The following PABPC1 variants were observed in gnomAD, a reference collection of about 807,000 sequenced individuals.
The protein encoded by PABPC1 is poly(A) binding protein cytoplasmic 1.
In PABPC1, 4 loss-of-function variants were observed where a neutral mutation model predicts 74.0. The observed-to-expected ratio is 0.05, with a 90% CI of 0.03 to 0.12. PABPC1 has a LOEUF of 0.12. Among genes scored for constraint, PABPC1 ranks in the 10% least tolerant of loss-of-function variants. PABPC1 has a pLI of 1.00. For missense variants in PABPC1, 271 were observed against 821.1 expected, an observed-to-expected ratio of 0.33 and a Z score of 8.19; for synonymous variants, 227 against 264.1, an observed-to-expected ratio of 0.86 and a Z score of 1.36.
chr8:100,704,777 G>GCT, intron 13 of PABPC1, 149 bp downstream of exon 13: 1 of 787,820 alleles, frequency 1.3e-6, no homozygotes, highest in Non-Finnish European at 2.0e-6. Context: ...ATAAAATGGG[G>GCT]ATAAATAGCG....
At chr8:100,709,335 T>C in intron 8 of PABPC1, 112 bp from the exon 9 acceptor site, 1 of 1,464,056 alleles carries the variant, frequency 6.8e-7, no homozygotes, top group Non-Finnish European at 9.5e-7. Context: ...TCAAGCATTT[T>C]TTCCTACTCA....
At chr8:100,707,321 A>G (rs1810406562) in intron 9 of PABPC1, 3 of 277,368 alleles carry the variant, frequency 1.1e-5, no homozygotes, top group South Asian at 1.0e-4. Flanking sequence ...GGCACGGGGG[A>G]CCACTACCAC....
In PABPC1 at chr8:100,709,119, G is replaced by A. The variant is rs1810462247; in HGVS notation, c.1336+14C>T. On this transcript the variant is annotated intron_variant, in intron 9 of 14. Transcript: ENST00000318607. ...ACTCAATCCCCAACCTTAATTAAAA[G>A]AAAAAAGACTTACGATGAGGTCTGG... The A allele has an allele frequency of 1.3e-6, 2 of 1,580,720 alleles. No homozygotes were observed. Among genetic ancestry groups the A allele is most frequent in the East Asian group, 4.5e-5 (2 of 44,388 alleles).
chr8:100,708,880 A>C (rs532330590), intron 9 of PABPC1, among the ~76,000 whole-genome samples: 2 of 145,386 alleles, frequency 1.4e-5, no homozygotes, highest in South Asian at 4.3e-4. Flanking sequence ...CTCTGTCTCG[A>C]AAATAAATAA....
At chr8:100,707,503 G>A (rs1810412307) in intron 9 of PABPC1, among the ~76,000 whole-genome samples, 1 of 152,228 alleles carries the variant, frequency 6.6e-6, no homozygotes, top group Non-Finnish European at 1.5e-5. Flanking sequence ...AGCCGAGGCA[G>A]AGAGGGAGAG....
At chr8:100,709,108 C>A (rs1810461997) in intron 9 of PABPC1, 25 bp downstream of exon 9, 7 of 1,570,084 alleles carry the variant, frequency 4.5e-6, no homozygotes, top group Non-Finnish European at 6.1e-6. Flanking sequence ...AATCCCCAAC[C>A]TTAATTAAAA....
At chr8:100,705,825 T>C (rs1316507745) in intron 11 of PABPC1, 152 bp from the exon 12 acceptor site, 2 of 643,706 alleles carry the variant, frequency 3.1e-6, no homozygotes, top group Non-Finnish European at 5.7e-6. Flanking sequence ...GCCAAAGTAG[T>C]TATTATATAC....
chr8:100,708,880 A>AAAATAAATAAAT (rs60749457), intron 9 of PABPC1, among the ~76,000 whole-genome samples: 8 of 145,386 alleles, frequency 5.5e-5, no homozygotes, highest in Admixed American at 1.4e-4. Context: ...CTCTGTCTCG[A>AAAATAAATAAAT]AAATAAATAA....
At chr8:100,707,338 G>A (rs1245784955) in intron 9 of PABPC1, 8 of 277,950 alleles carry the variant, frequency 2.9e-5, no homozygotes, top group Admixed American at 5.1e-5. Context: ...CCACCAAGAC[G>A]CGGAGACCAG....
At chr8:100,720,128 A>T (rs1810777137) in intron 1 of PABPC1, among the ~76,000 whole-genome samples, 1 of 152,196 alleles carries the variant, frequency 6.6e-6, no homozygotes, top group Non-Finnish European at 1.5e-5. Flanking sequence ...TATTTCGATT[A>T]TTTGACATGT....
chr8:100,709,863 T>C (rs763591384), intron 7 of PABPC1, 132 bp from the exon 8 acceptor site: 28 of 1,086,850 alleles, frequency 2.6e-5, no homozygotes, highest in Non-Finnish European at 3.5e-5. Flanking sequence ...CATCTTGTAT[T>C]TACCCATTGA....
At chr8:100,704,218 A>C (rs1271401391) in intron 14 of PABPC1, 79 bp downstream of exon 14, 1 of 1,102,522 alleles carries the variant, frequency 9.1e-7, no homozygotes, top group African/African-American at 1.5e-5. Flanking sequence ...TGCTATGTAC[A>C]TTTCAAAATA....
intron 1 of PABPC1, among the ~76,000 whole-genome samples, 184 bp from the exon 2 acceptor site, chr8:100,718,464 TA>T (rs780003228): frequency 6.6e-6 from 1 of 152,238 alleles, no homozygotes; most frequent in Non-Finnish European, 1.5e-5. Flanking sequence ...CTAAGTTGTA[TA>T]AAGCAAAGAC....
At chr8:100,710,075 C>A (rs911544235) in intron 7 of PABPC1, among the ~76,000 whole-genome samples, 1 of 152,170 alleles carries the variant, frequency 6.6e-6, no homozygotes, top group Non-Finnish European at 1.5e-5. Context: ...GACTTTTGGG[C>A]ACCACTGGAA....
chr8:100,712,112 C>G (rs1488344824), intron 7 of PABPC1, among the ~76,000 whole-genome samples: 3 of 152,194 alleles, frequency 2.0e-5, no homozygotes, highest in Non-Finnish European at 4.4e-5. Flanking sequence ...CTTGCTTTAG[C>G]AAAATGACTA....
chr8:100,714,048 T>A (rs1810599626), intron 4 of PABPC1, among the ~76,000 whole-genome samples: 1 of 152,202 alleles, frequency 6.6e-6, no homozygotes, highest in Admixed American at 6.5e-5. Flanking sequence ...GCGGGTGGTA[T>A]CTCAGGCAAG....
chr8:100,705,940 C>T (rs1462600823), intron 11 of PABPC1, among the ~76,000 whole-genome samples: 5 of 152,212 alleles, frequency 3.3e-5, no homozygotes, highest in East Asian at 1.9e-4. Flanking sequence ...CCTCCGCCTC[C>T]GGATTCAAGC....
Position 100,707,429 on chromosome 8 carries a change from C to T in PABPC1, c.1337-432G>A, listed in dbSNP as rs967002396. Among the ~76,000 whole-genome samples, 4 of 152,074 alleles carry T rather than the reference C, an allele frequency of 2.6e-5. No homozygotes were observed. In the East Asian group the frequency reaches 7.7e-4, roughly 29 times the overall value. Reference sequence around the variant, plus strand: ...GCAGGGTAAAGAGTGTGAGTCATCTCCAATGATAGGTAAGGTCACGTGGGT... The same window carrying T: ...GCAGGGTAAAGAGTGTGAGTCATCTTCAATGATAGGTAAGGTCACGTGGGT... On this transcript the variant is annotated intron_variant, in intron 9 of 14. Transcript: ENST00000318607.
rs1282390285 is a variant in PABPC1 at position 100,721,974 on chromosome 8, G to T, written c.-391C>A. ...ACGCGGATTTTTTGTAAATTTTTTTGGGGTTTTTTAAAAGATTTTTTTAGA... is the reference window on the plus strand; with the variant it reads ...ACGCGGATTTTTTGTAAATTTTTTTTGGGTTTTTTAAAAGATTTTTTTAGA... On this transcript the variant is annotated 5_prime_UTR_variant, in exon 1 of 15. Transcript: ENST00000318607. The surrounding 1 kb of genome is among the most constrained non-coding windows in gnomAD (Gnocchi z 7.4). The T allele has an allele frequency of 1.1e-5, 2 of 176,688 alleles. No individual in the cohort carries two copies. Among genetic ancestry groups the T allele is most frequent in the Admixed American group, 6.3e-5 (1 of 15,984 alleles). 10.9% of individuals were successfully genotyped at this position (176,688 alleles called of 1,614,324 possible).
Sources: gnomAD v4.1 joint callset for allele counts (sites outside exome capture counted in the v4.1 genomes callset) on GRCh38, gnomAD v4.1.1 for gene constraint, Gnocchi (gnomAD v3.1) non-coding constraint, MANE v1.5 for transcripts, NCBI Gene and HGNC (gene_info 2026-07-23, HGNC 2026-07-21) for gene names.